NHS: variants seen among roughly 807,000 people sequenced by gnomAD.
The protein encoded by NHS is NHS actin remodeling regulator.
A neutral mutation model predicts 72.5 loss-of-function variants in NHS; 5 were observed. The observed-to-expected ratio is 0.07, with a 90% confidence interval of 0.04 to 0.14. The LOEUF is 0.14. Among genes scored for constraint, NHS ranks in the 10% least tolerant of loss-of-function variants. The pLI is 1.00. For missense variants in NHS, 1,072 were observed against 1,355.7 expected, an observed-to-expected ratio of 0.79 and a Z score of 3.29; for synonymous variants, 464 against 547.7, an observed-to-expected ratio of 0.85 and a Z score of 2.13.
At chrX:17,428,237 C>T (rs1346763488) in intron 1 of NHS, among the ~76,000 whole-genome samples, 2 of 112,424 alleles carry the variant, frequency 1.8e-5, no homozygotes, top group African/African-American at 6.5e-5. Flanking sequence ...TTCATTGATT[C>T]AGGTGAATGT....
intron 1 of NHS, among the ~76,000 whole-genome samples, chrX:17,568,342 G>A (rs1308771308): frequency 2.7e-5 from 3 of 111,799 alleles, no homozygotes; most frequent in Non-Finnish European, 5.6e-5. Context: ...GAACCCATAT[G>A]GTTTGCCATA....
intron 1 of NHS, among the ~76,000 whole-genome samples, chrX:17,501,133 A>T (rs1247095360): frequency 9.1e-6 from 1 of 110,090 alleles, no homozygotes; most frequent in Non-Finnish European, 1.9e-5. Context: ...ACTTTAGGAG[A>T]TTGAGGAGGG....
chrX:17,533,397 C>T (rs1029486084), intron 1 of NHS, among the ~76,000 whole-genome samples: 3 of 111,599 alleles, frequency 2.7e-5, no homozygotes, highest in African/African-American at 9.8e-5. Flanking sequence ...AGTGATCCTC[C>T]TGCCTCAGCC....
At chrX:17,379,140 C>T (rs1273183534) in intron 1 of NHS, among the ~76,000 whole-genome samples, 2 of 109,368 alleles carry the variant, frequency 1.8e-5, no homozygotes, top group Admixed American at 9.8e-5. Context: ...CATTCCCCTG[C>T]GTAATCTGCT....
chrX:17,468,898 C>T (rs1160411138), intron 1 of NHS, among the ~76,000 whole-genome samples: 1 of 111,232 alleles, frequency 9.0e-6, no homozygotes, highest in Non-Finnish European at 1.9e-5. Context: ...ACATAGAAAA[C>T]TGTACCAAAA....
At chrX:17,426,501 G>A (rs2064658162) in intron 1 of NHS, among the ~76,000 whole-genome samples, 1 of 111,989 alleles carries the variant, frequency 8.9e-6, no homozygotes, top group African/African-American at 3.2e-5. Context: ...TATATGACAG[G>A]TTATTTTACC....
intron 1 of NHS, among the ~76,000 whole-genome samples, chrX:17,423,740 A>T (rs1030214899): frequency 9.8e-5 from 11 of 112,363 alleles, no homozygotes; most frequent in Non-Finnish European, 1.3e-4. Flanking sequence ...TGGGAGGATT[A>T]ATTAGCTAGT....
At chrX:17,612,974 G>T (rs1310023416) in intron 1 of NHS, among the ~76,000 whole-genome samples, 4 of 109,562 alleles carry the variant, frequency 3.7e-5, no homozygotes, top group African/African-American at 9.9e-5. Context: ...CTGTATGGAT[G>T]TACTGATTGA....
intron 1 of NHS, among the ~76,000 whole-genome samples, chrX:17,479,934 T>G: frequency 8.9e-6 from 1 of 112,182 alleles, no homozygotes; most frequent in East Asian, 2.8e-4. Context: ...TTGTTGCCAT[T>G]GCTTTCCATG....
chrX:17,639,375 T>A (rs749986533), intron 1 of NHS, among the ~76,000 whole-genome samples: 2 of 111,733 alleles, frequency 1.8e-5, no homozygotes, highest in African/African-American at 6.5e-5. Flanking sequence ...ACAGACTGGG[T>A]AATTTATAAA....
In NHS at chrX:17,424,190, A is replaced by G. The variant is rs759544812; in HGVS notation, c.565+47868A>G. Among the ~76,000 whole-genome samples the G allele has an allele frequency of 1.8e-4, 20 of 112,178 alleles. 1 individual carries two copies. In the South Asian group the frequency reaches 6.0e-3, roughly 33 times the overall value. ...AAATGGAGGTAATTTTTGAATTATA[A>G]TAAGTGAGAAGACTGCAAGGGAGAC... On this transcript the variant is annotated intron_variant, in intron 1 of 8. Coordinates refer to ENST00000676302, the MANE Select transcript of NHS (RefSeq NM_001291867.2).
At chrX:17,405,081 C>T (rs1601691221) in intron 1 of NHS, among the ~76,000 whole-genome samples, 1 of 111,990 alleles carries the variant, frequency 8.9e-6, no homozygotes, top group African/African-American at 3.2e-5. Flanking sequence ...CACTGTTATT[C>T]GGCAATTAGG....
At chrX:17,603,665 T>C (rs773645036) in intron 1 of NHS, among the ~76,000 whole-genome samples, 1 of 112,338 alleles carries the variant, frequency 8.9e-6, no homozygotes, top group African/African-American at 3.2e-5. Flanking sequence ...AAAATAGAGT[T>C]ATAAGTGCTA....
chrX:17,715,734 T>A (rs1292692431), intron 3 of NHS, among the ~76,000 whole-genome samples: 2 of 111,289 alleles, frequency 1.8e-5, no homozygotes, highest in African/African-American at 6.5e-5. Flanking sequence ...TTTTTCCTAA[T>A]CTTCTCCCTC....
At chrX:17,522,064 G>A (rs1268500186) in intron 1 of NHS, among the ~76,000 whole-genome samples, 1 of 112,671 alleles carries the variant, frequency 8.9e-6, no homozygotes, top group African/African-American at 3.2e-5. Flanking sequence ...TCCCCTGGGG[G>A]CTGTGGCATG....
intron 1 of NHS, among the ~76,000 whole-genome samples, chrX:17,441,272 T>C (rs1433718171): frequency 1.8e-5 from 2 of 111,877 alleles, no homozygotes; most frequent in South Asian, 3.8e-4. Context: ...CCCTTTTCTA[T>C]AGATGAGAAG....
chrX:17,561,913 A>G (rs1249788862), intron 1 of NHS, among the ~76,000 whole-genome samples: 2 of 109,822 alleles, frequency 1.8e-5, no homozygotes, highest in East Asian at 5.9e-4. Flanking sequence ...GGATGATATG[A>G]GGGATCTAAA....
rs137944403 is a variant in NHS, at chrX:17,519,828, C to T, written c.565+143506C>T. On this transcript the variant is annotated intron_variant, in intron 1 of 8. Coordinates refer to ENST00000676302, the MANE Select transcript of NHS (RefSeq NM_001291867.2). ...CTGGTGTACCTCCCATCATCATCAT[C>T]GTCATCATCATCCTCATTTCATTTA... Among the ~76,000 whole-genome samples, 581 of 110,437 alleles carry T rather than the reference C, an allele frequency of 5.3e-3. 3 individuals carry two copies. Among genetic ancestry groups the T allele is most frequent in the African/African-American group, 0.018 (540 of 30,283 alleles).
intron 1 of NHS, among the ~76,000 whole-genome samples, chrX:17,561,569 C>CGT (rs1569281997): frequency 2.7e-5 from 2 of 74,200 alleles, no homozygotes; most frequent in Non-Finnish European, 4.7e-5. Flanking sequence ...CGCGCGCGCG[C>CGT]GCGCGCACAC....
Sources: gnomAD v4.1 joint callset for allele counts (sites outside exome capture counted in the v4.1 genomes callset) on GRCh38, gnomAD v4.1.1 for gene constraint, MANE v1.5 for transcripts, NCBI Gene and HGNC (gene_info 2026-07-23, HGNC 2026-07-21) for gene names.